The following IQGAP1 variants were observed in gnomAD, a reference collection of about 807,000 sequenced individuals.
The protein encoded by IQGAP1 is ras GTPase-activating-like protein IQGAP1.
IQGAP1 carries 66 observed loss-of-function variants against 215.6 expected under a neutral mutation model. The observed-to-expected ratio is 0.31, with a 90% CI of 0.25 to 0.38. The LOEUF is 0.38. Ranked by LOEUF, IQGAP1 falls within the 10% of genes least tolerant of loss-of-function variation. The pLI, the probability that IQGAP1 is intolerant of heterozygous loss-of-function variation, is 1.00. For missense variants in IQGAP1, 1,712 were observed against 1,997.1 expected, an observed-to-expected ratio of 0.86 and a Z score of 2.72; for synonymous variants, 772 against 728.7, an observed-to-expected ratio of 1.06 and a Z score of -0.96.
chr15:90,410,706 G>T (rs1395188737), intron 2 of IQGAP1, among the ~76,000 whole-genome samples: 5 of 151,564 alleles, frequency 3.3e-5, no homozygotes, highest in East Asian at 1.9e-4. Flanking sequence ...GGAGGGGAGA[G>T]GGGGGAGGGA....
rs766151531 is a variant in IQGAP1, at chr15:90,473,945, G to A, written c.2483G>A (p.Arg828His). 9 of 1,613,938 alleles carry A rather than the reference G, an allele frequency of 5.6e-6. No individual in the cohort carries two copies. The highest frequency in any genetic ancestry group is 1.3e-5 in the African/African-American group (1 of 74,972). The change falls in exon 21 of 38, where the codon CGC becomes CAC. Residue 828 changes from arginine to histidine, a missense_variant. Physicochemically the swap from Arg to His is conservative, Grantham distance 29. Transcript: ENST00000268182. ...MHQARKRYRD[R>H]LQYFRDHIND... The stretch of plus-strand genomic sequence containing the variant: ...CAAGCTCGAAAGCGCTATCGAGATC[G>A]CCTGCAGTACTTCCGGGACCATGTA...
chr15:90,447,504 C>T (rs891177364), intron 9 of IQGAP1, among the ~76,000 whole-genome samples: 1 of 151,836 alleles, frequency 6.6e-6, no homozygotes, highest in Non-Finnish European at 1.5e-5. Flanking sequence ...CTATTATGCC[C>T]CAGATATTTT....
At chr15:90,418,732 T>C (rs1965089631) in intron 2 of IQGAP1, among the ~76,000 whole-genome samples, 1 of 152,226 alleles carries the variant, frequency 6.6e-6, no homozygotes. Flanking sequence ...AATGAGGTTA[T>C]ATATTGTGGT....
chr15:90,482,813 C>G (rs1168580341), intron 28 of IQGAP1: 2 of 713,588 alleles, frequency 2.8e-6, no homozygotes, highest in Non-Finnish European at 3.5e-6. Flanking sequence ...CCCCTGAATT[C>G]TTCTGTGGAA....
intron 2 of IQGAP1, among the ~76,000 whole-genome samples, chr15:90,406,204 A>G (rs1046338784): frequency 2.0e-5 from 3 of 152,246 alleles, no homozygotes; most frequent in African/African-American, 7.2e-5. Context: ...ACTTATGAAC[A>G]CTTAGCGAGA....
At chr15:90,484,800 C>T (rs183296136) in intron 30 of IQGAP1, among the ~76,000 whole-genome samples, 47 of 152,228 alleles carry the variant, frequency 3.1e-4, no homozygotes, top group African/African-American at 1.0e-3. Context: ...TGAGCCACCA[C>T]GCCTGGCCTT....
intron 2 of IQGAP1, among the ~76,000 whole-genome samples, chr15:90,423,713 C>T (rs1965180693): frequency 6.6e-6 from 1 of 152,236 alleles, no homozygotes; most frequent in Non-Finnish European, 1.5e-5. Flanking sequence ...TGTTTAATAA[C>T]TTTCACCAAA....
intron 5 of IQGAP1, among the ~76,000 whole-genome samples, chr15:90,437,520 AAAGTTATTAGTTATT>A (rs1827460770): frequency 6.6e-6 from 1 of 152,158 alleles, no homozygotes; most frequent in African/African-American, 2.4e-5. Flanking sequence ...AAATATATAG[AAAGTTATTAGTTATT>A]TTGCTTTGGA....
At chr15:90,444,074 A>T (rs1206679) in intron 9 of IQGAP1, among the ~76,000 whole-genome samples, 145,762 of 151,536 alleles carry the variant, frequency 0.96, 70,167 homozygotes, top group East Asian at 1. Flanking sequence ...AAAAAAAAAA[A>T]TATTTTTCTA....
At chr15:90,405,929 T>A (rs372843286) in intron 2 of IQGAP1, among the ~76,000 whole-genome samples, 1 of 152,142 alleles carries the variant, frequency 6.6e-6, no homozygotes, top group African/African-American at 2.4e-5. Context: ...TTTATGATAG[T>A]TAGTTTACAT....
At chr15:90,489,822 A>G (rs565484843) in intron 33 of IQGAP1, among the ~76,000 whole-genome samples, 3 of 152,356 alleles carry the variant, frequency 2.0e-5, no homozygotes, top group Admixed American at 1.3e-4. Context: ...GCCAGTCTTT[A>G]TTGAGAACCT....
In IQGAP1 at chr15:90,478,546, A is replaced by G. The variant is rs181010559; in HGVS notation, c.3329+657A>G. 3.5e-3 allele frequency among the ~76,000 whole-genome samples: 537 copies of G among 152,336 alleles called. 1 individual carries two copies. Among genetic ancestry groups the G allele is most frequent in the Non-Finnish European group, 6.5e-3 (444 of 68,032 alleles). On this transcript the variant is annotated intron_variant, in intron 26 of 37. Coordinates refer to ENST00000268182, the MANE Select transcript of IQGAP1 (RefSeq NM_003870.4). ...ATTGAAGAAAGTTTTATGAAGTTTT[A>G]TGTACGGTTCTTTAATGGAGACTTT...
chr15:90,464,890 T>C (rs1567135107), intron 15 of IQGAP1, among the ~76,000 whole-genome samples: 2 of 152,076 alleles, frequency 1.3e-5, no homozygotes, highest in Non-Finnish European at 2.9e-5. Flanking sequence ...AGGAAGGTAT[T>C]TCTACTAATC....
intron 2 of IQGAP1, among the ~76,000 whole-genome samples, chr15:90,392,748 CTTTT>C (rs10701656): frequency 8.5e-6 from 1 of 117,820 alleles, no homozygotes; most frequent in Non-Finnish European, 1.6e-5. Flanking sequence ...ATGTTTCTAT[CTTTT>C]TTTTTTTTTT....
intron 15 of IQGAP1, among the ~76,000 whole-genome samples, chr15:90,459,106 G>A (rs531953914): frequency 6.6e-6 from 1 of 152,182 alleles, no homozygotes; most frequent in South Asian, 2.1e-4. Flanking sequence ...TAGCCCTTCC[G>A]CTTGCTGCCT....
chr15:90,483,907 A>G (rs1241244694), intron 29 of IQGAP1, among the ~76,000 whole-genome samples: 4 of 152,242 alleles, frequency 2.6e-5, no homozygotes, highest in African/African-American at 9.6e-5. Context: ...ATTAACATCT[A>G]GTTTTGAATT....
At chr15:90,415,343 A>G (rs1296207432) in intron 2 of IQGAP1, among the ~76,000 whole-genome samples, 1 of 152,070 alleles carries the variant, frequency 6.6e-6, no homozygotes, top group Non-Finnish European at 1.5e-5. Context: ...GCTCTTTGTT[A>G]TATGTTGTGA....
At chr15:90,483,241 T>G in intron 28 of IQGAP1, 120 bp from the exon 29 acceptor site, 1 of 677,176 alleles carries the variant, frequency 1.5e-6, no homozygotes, top group Non-Finnish European at 2.6e-6. Context: ...GTATATGTAT[T>G]TTTTATTTAT....
intron 2 of IQGAP1, among the ~76,000 whole-genome samples, chr15:90,424,289 G>A (rs1355052184): frequency 6.6e-6 from 1 of 152,114 alleles, no homozygotes; most frequent in African/African-American, 2.4e-5. Flanking sequence ...CTGAATAGAG[G>A]TATAGTTTAG....
Sources: allele counts gnomAD v4.1 joint callset (sites outside exome capture counted in the v4.1 genomes callset), GRCh38; gene constraint gnomAD v4.1.1; transcripts MANE v1.5; gene names NCBI Gene and HGNC (gene_info 2026-07-23, HGNC 2026-07-21).